GADL1: variants seen among roughly 807,000 people sequenced by gnomAD.
GADL1 encodes the protein acidic amino acid decarboxylase GADL1.
In GADL1, 71 loss-of-function variants were observed where a neutral mutation model predicts 69.5. That is an observed-to-expected ratio of 1.02 (90% CI 0.84 to 1.25). The LOEUF (loss-of-function observed/expected upper bound fraction) is 1.25, where lower values mean the gene tolerates loss of function less well. GADL1 is among the 50% of genes most tolerant of loss of function. The pLI, the probability that GADL1 is intolerant of heterozygous loss-of-function variation, is 0.00. For missense variants in GADL1, 737 were observed against 631.8 expected, an observed-to-expected ratio of 1.17 and a Z score of -1.79; for synonymous variants, 254 against 214.4, an observed-to-expected ratio of 1.18 and a Z score of -1.62.
At position 30,850,115 on chromosome 3, in the gene GADL1, CA is replaced by C; in HGVS notation, c.536-5del. The C allele has an allele frequency of 6.7e-7, 1 of 1,488,900 alleles. No homozygotes were observed. The highest frequency in any genetic ancestry group is 1.4e-5 in the African/African-American group (1 of 72,452). 92.2% of individuals were successfully genotyped at this position (1,488,900 alleles called of 1,614,324 possible). ...TACATATTGGACACTGAGCCACCTG[CA>C]AAAACAAAATTAAAATGGCATATTT... On this transcript the variant is annotated splice_polypyrimidine_tract_variant and splice_region_variant and intron_variant, in intron 5 of 14. Coordinates refer to ENST00000282538, the MANE Select transcript of GADL1 (RefSeq NM_207359.3).
intron 14 of GADL1, among the ~76,000 whole-genome samples, chr3:30,776,796 C>G (rs543162798): frequency 6.6e-6 from 1 of 152,174 alleles, no homozygotes; most frequent in African/African-American, 2.4e-5. Context: ...CCATGACCCT[C>G]CCTCTGCCTG....
chr3:30,862,969 A>G (rs1698342720), intron 1 of GADL1, among the ~76,000 whole-genome samples: 1 of 151,776 alleles, frequency 6.6e-6, no homozygotes, highest in African/African-American at 2.4e-5. Flanking sequence ...TCATTCTTGC[A>G]GTCACCTTTC....
chr3:30,880,922 A>T (rs1698633249), intron 1 of GADL1, among the ~76,000 whole-genome samples: 1 of 151,952 alleles, frequency 6.6e-6, no homozygotes, highest in Non-Finnish European at 1.5e-5. Context: ...AGTGAAACAT[A>T]ATTGGCCACC....
At chr3:30,745,592 C>A (rs972995627) in intron 14 of GADL1, among the ~76,000 whole-genome samples, 2 of 152,160 alleles carry the variant, frequency 1.3e-5, no homozygotes, top group African/African-American at 4.8e-5. Flanking sequence ...ATTGAGACAT[C>A]AAATTTTCTT....
chr3:30,765,016 T>C (rs1479336917), intron 14 of GADL1, among the ~76,000 whole-genome samples: 1 of 147,064 alleles, frequency 6.8e-6, no homozygotes, highest in African/African-American at 2.5e-5. Context: ...TAGCCATCTG[T>C]AGTCACAACT....
intron 14 of GADL1, among the ~76,000 whole-genome samples, chr3:30,766,035 CCTT>C (rs910391267): frequency 2.0e-5 from 3 of 152,088 alleles, no homozygotes; most frequent in African/African-American, 7.2e-5. Context: ...GAGAGGCTGA[CCTT>C]CTAATTTTAA....
At chr3:30,859,243 C>G (rs772617334) in intron 2 of GADL1, among the ~76,000 whole-genome samples, 1 of 151,744 alleles carries the variant, frequency 6.6e-6, no homozygotes, top group Non-Finnish European at 1.5e-5. Context: ...TGGGGGGAAG[C>G]AGGAGGAAAT....
intron 14 of GADL1, among the ~76,000 whole-genome samples, chr3:30,752,430 GTC>G (rs1559487348): frequency 6.7e-6 from 1 of 149,966 alleles, no homozygotes; most frequent in Non-Finnish European, 1.5e-5. Context: ...TAACAATGGA[GTC>G]TGTGCCGCAG....
intron 11 of GADL1, among the ~76,000 whole-genome samples, chr3:30,804,882 T>C (rs988896069): frequency 5.9e-5 from 9 of 152,224 alleles, no homozygotes; most frequent in African/African-American, 2.2e-4. Flanking sequence ...TATGAACCTT[T>C]TTGTGACCAA....
chr3:30,892,226 T>C (rs2125548889), intron 1 of GADL1, among the ~76,000 whole-genome samples: 1 of 152,348 alleles, frequency 6.6e-6, no homozygotes, highest in Non-Finnish European at 1.5e-5. Flanking sequence ...TAAGAATTCT[T>C]TATCTGCAAC....
intron 11 of GADL1, among the ~76,000 whole-genome samples, chr3:30,830,117 T>G (rs1482141022): frequency 1.3e-5 from 2 of 151,812 alleles, no homozygotes; most frequent in African/African-American, 2.4e-5. Context: ...TCCTCTCACC[T>G]TTCTTCCCTG....
intron 14 of GADL1, among the ~76,000 whole-genome samples, chr3:30,773,097 T>C (rs1446829021): frequency 6.6e-6 from 1 of 150,566 alleles, no homozygotes; most frequent in Admixed American, 6.6e-5. Flanking sequence ...GCAAACTAAT[T>C]AATTATTGTA....
chr3:30,813,815 TA>T (rs1462382227), intron 11 of GADL1, among the ~76,000 whole-genome samples: 1 of 152,236 alleles, frequency 6.6e-6, no homozygotes, highest in East Asian at 1.9e-4. Context: ...AAACTATCCT[TA>T]AATAGCAGTT....
chr3:30,803,659 TA>T (rs1697201452), intron 11 of GADL1, among the ~76,000 whole-genome samples: 1 of 152,212 alleles, frequency 6.6e-6, no homozygotes, highest in South Asian at 2.1e-4. Context: ...TTTATGGCAC[TA>T]AAAAATTCTG....
At chr3:30,819,774 AAGATAAAAATG>A (rs1037646166) in intron 11 of GADL1, among the ~76,000 whole-genome samples, 4 of 152,136 alleles carry the variant, frequency 2.6e-5, no homozygotes, top group Admixed American at 6.6e-5. Context: ...GCAGGAATAC[AAGATAAAAATG>A]AGATAAAAAT....
intron 1 of GADL1, among the ~76,000 whole-genome samples, chr3:30,881,056 C>T (rs569381956): frequency 1.3e-5 from 2 of 151,978 alleles, no homozygotes; most frequent in East Asian, 1.9e-4. Flanking sequence ...CAATCACATT[C>T]CCAGTGCAGT....
intron 11 of GADL1, among the ~76,000 whole-genome samples, chr3:30,819,517 A>G (rs896387422): frequency 2.0e-5 from 3 of 152,164 alleles, no homozygotes; most frequent in Non-Finnish European, 2.9e-5. Flanking sequence ...GAGTAAACTA[A>G]CATGGTTATT....
chr3:30,859,950 T>C (rs940397675), intron 2 of GADL1, among the ~76,000 whole-genome samples: 1 of 151,938 alleles, frequency 6.6e-6, no homozygotes, highest in African/African-American at 2.4e-5. Flanking sequence ...CCGTTTCTCA[T>C]CTTATTAGTC....
chr3:30,816,130 T>C (rs1575218326), intron 11 of GADL1, among the ~76,000 whole-genome samples: 1 of 152,194 alleles, frequency 6.6e-6, no homozygotes, highest in South Asian at 2.1e-4. Flanking sequence ...TCTATTTCAG[T>C]ATAGATGAGA....
Sources: gnomAD v4.1 joint callset for allele counts (sites outside exome capture counted in the v4.1 genomes callset) on GRCh38, gnomAD v4.1.1 for gene constraint, MANE v1.5 for transcripts, NCBI Gene and HGNC (gene_info 2026-07-23, HGNC 2026-07-21) for gene names.